Variants in UGP2 observed in about 807,000 individuals in gnomAD.
UGP2 encodes the protein UTP--glucose-1-phosphate uridylyltransferase.
UGP2 carries 40 observed loss-of-function variants against 49.0 expected under a neutral mutation model. The ratio of observed to expected loss-of-function variants is 0.82; its 90% CI spans 0.63 to 1.06. The LOEUF (loss-of-function observed/expected upper bound fraction) is 1.06, where lower values mean the gene tolerates loss of function less well. Among genes scored for constraint, UGP2 ranks in the 50% least tolerant of loss-of-function variants. The pLI, the probability that UGP2 is intolerant of heterozygous loss-of-function variation, is 0.00. For synonymous variants in UGP2, 225 were observed against 213.0 expected (o/e 1.06, Z -0.49); for missense variants, 460 against 603.5 (o/e 0.76, Z 2.49).
At chr2:63,875,155 C>G (rs1403556532) in intron 3 of UGP2, among the ~76,000 whole-genome samples, 1 of 152,202 alleles carries the variant, frequency 6.6e-6, no homozygotes, top group Non-Finnish European at 1.5e-5. Flanking sequence ...ATTTGGCACA[C>G]AAACCCTGTG....
rs577856223 is a variant in UGP2 at position 63,868,669 on chromosome 2, A to G, written c.255+10733A>G. 1.5e-4 allele frequency among the ~76,000 whole-genome samples: 23 copies of G among 152,288 alleles called. No homozygotes were observed. In the South Asian group the frequency reaches 2.1e-3, roughly 14 times the overall value. On this transcript the variant is annotated intron_variant, in intron 3 of 9. Transcript: ENST00000337130. ...TTTTGTATTTCTGATTGTTTTTTAAAAAGAGTATATCAGGCTGGGCGCGGT... is the reference window on the plus strand; with the variant it reads ...TTTTGTATTTCTGATTGTTTTTTAAGAAGAGTATATCAGGCTGGGCGCGGT...
At chr2:63,890,040 C>T in intron 8 of UGP2, 41 bp from the exon 9 acceptor site, 4 of 1,465,062 alleles carry the variant, frequency 2.7e-6, no homozygotes, top group Non-Finnish European at 3.8e-6. Flanking sequence ...TTTCTTTGAA[C>T]CCATTTGAGA....
chr2:63,852,160 G>A (rs1355942130), intron 1 of UGP2, among the ~76,000 whole-genome samples: 1 of 152,178 alleles, frequency 6.6e-6, no homozygotes, highest in African/African-American at 2.4e-5. Context: ...GGGAGTTGGT[G>A]ACAGAATAGC....
In UGP2 at chr2:63,885,626, G is replaced by T; in HGVS notation, c.613G>T (p.Ala205Ser). 1 of 1,580,060 alleles carries T rather than the reference G, an allele frequency of 6.3e-7. No homozygotes were observed. Residue 205 changes from alanine (A) to serine (S), a missense_variant, in exon 6 of 10, where the codon GCA becomes TCA. Ala to Ser is a moderately conservative substitution (Grantham distance 99). This residue lies in a region of UGP2 where 317 missense variants were observed against 473.0 expected (regional missense o/e 0.67). Coordinates refer to ENST00000337130, the MANE Select transcript of UGP2 (RefSeq NM_006759.4). The part of the protein sequence containing the change: ...RINKESLLPV[A>S]KDVSYSGENT... ...TAATAAAGAATCTTTACTTCCTGTA[G>T]CAAAGGACGTGTCTTACTCAGGGGA... is the stretch of plus-strand genomic sequence containing the variant.
chr2:63,885,942 T>C (rs1290055000), intron 6 of UGP2, 56 bp downstream of exon 6: 3 of 1,489,312 alleles, frequency 2.0e-6, no homozygotes, highest in South Asian at 1.5e-5. Context: ...TCGTAAGTTA[T>C]GAAGTTAAAG....
Position 63,891,149 on chromosome 2 carries a change from T to A in UGP2, c.1449T>A (p.Gly483=). 1 of 1,613,674 alleles carries A rather than the reference T, an allele frequency of 6.2e-7. No individual in the cohort carries two copies. Among genetic ancestry groups the A allele is most frequent in the Non-Finnish European group, 8.5e-7 (1 of 1,179,764 alleles). Reference sequence around the variant, plus strand: ...CGGTTATCATCATTGCAAATCATGGTGACAGAATTGATATCCCACCTGGAG... The same window carrying A: ...CGGTTATCATCATTGCAAATCATGGAGACAGAATTGATATCCCACCTGGAG... ...KGTVIIIANH[G]DRIDIPPGAV... Residue 483 remains glycine (G), a synonymous_variant, in exon 10 of 10, where the codon GGT becomes GGA. Transcript: ENST00000337130.
At chr2:63,889,222 A>G (rs1671904241) in intron 8 of UGP2, 2 of 152,190 alleles carry the variant, frequency 1.3e-5, no homozygotes, top group Non-Finnish European at 2.9e-5. Context: ...ATGAATATCG[A>G]AAACTCAAGA....
At chr2:63,860,831 T>A (rs1434015681) in intron 3 of UGP2, among the ~76,000 whole-genome samples, 1 of 149,584 alleles carries the variant, frequency 6.7e-6, no homozygotes, top group Non-Finnish European at 1.5e-5. Context: ...CTTAAAGTCC[T>A]GGCCTCAAGT....
At chr2:63,872,562 C>T (rs1670627702) in intron 3 of UGP2, among the ~76,000 whole-genome samples, 1 of 152,100 alleles carries the variant, frequency 6.6e-6, no homozygotes. Flanking sequence ...TTCTAAGAAA[C>T]CCAGGTAGCC....
chr2:63,884,654 G>C (rs1671537009), intron 5 of UGP2, among the ~76,000 whole-genome samples: 1 of 152,164 alleles, frequency 6.6e-6, no homozygotes, highest in African/African-American at 2.4e-5. Flanking sequence ...GCTTATACCT[G>C]TAATTCCAAC....
At chr2:63,884,993 C>CTTTTTTTTTTTTTTTTTTTT (rs528966512) in intron 5 of UGP2, among the ~76,000 whole-genome samples, 1 of 23,148 alleles carries the variant, frequency 4.3e-5, no homozygotes, top group African/African-American at 1.6e-4. Flanking sequence ...CCCATGGTTA[C>CTTTTTTTTTTTTTTTTTTTT]TTTTTTTTTT....
intron 8 of UGP2, chr2:63,888,787 T>A (rs1410929170): frequency 6.6e-6 from 1 of 152,240 alleles, no homozygotes; most frequent in Non-Finnish European, 1.5e-5. Flanking sequence ...GCAATCCTTT[T>A]TTTCCCCTCA....
chr2:63,855,650 T>C (rs777375933), intron 1 of UGP2: 1 of 437,826 alleles, frequency 2.3e-6, no homozygotes, highest in Non-Finnish European at 4.6e-6. Flanking sequence ...CAAGGTATCC[T>C]CCTGCTTCAG....
chr2:63,871,264 G>C (rs1346178278), intron 3 of UGP2, among the ~76,000 whole-genome samples: 1 of 151,808 alleles, frequency 6.6e-6, no homozygotes, highest in Non-Finnish European at 1.5e-5. Context: ...GTATGAATTT[G>C]ATTACTTTTG....
chr2:63,842,465 A>G, intron 1 of UGP2: 1 of 1,540,186 alleles, frequency 6.5e-7, no homozygotes, highest in Non-Finnish European at 8.7e-7. Context: ...TTTCCTGGAT[A>G]GTGGCTGTAA....
intron 3 of UGP2, among the ~76,000 whole-genome samples, chr2:63,874,886 G>C (rs574594596): frequency 6.6e-6 from 1 of 152,034 alleles, no homozygotes; most frequent in South Asian, 2.1e-4. Flanking sequence ...GATTCCGGAG[G>C]TGCTCACCAG....
chr2:63,871,610 TTTTC>T lies in UGP2; in HGVS notation c.256-10850_256-10847del, dbSNP rs1324000549. 2.6e-5 allele frequency among the ~76,000 whole-genome samples: 4 copies of T among 152,210 alleles called. No individual in the cohort carries two copies. The East Asian group carries it at 7.7e-4, about 29-fold the overall frequency. ...CACAAAAACCTTTTTAAATCTCAAGTTTTCTTTCTGTTGTTTTGAAAATTGCCTG... is the reference window on the plus strand; with the variant it reads ...CACAAAAACCTTTTTAAATCTCAAGTTTTCTGTTGTTTTGAAAATTGCCTG... On this transcript the variant is annotated intron_variant, in intron 3 of 9. Transcript: ENST00000337130.
At chr2:63,878,324 T>C (rs1575843395) in intron 3 of UGP2, among the ~76,000 whole-genome samples, 1 of 152,202 alleles carries the variant, frequency 6.6e-6, no homozygotes, top group East Asian at 1.9e-4. Flanking sequence ...CACTGAATGT[T>C]GATGATTCCT....
intron 1 of UGP2, 43 bp from the exon 2 acceptor site, chr2:63,856,263 T>G: frequency 6.3e-7 from 1 of 1,597,916 alleles, no homozygotes; most frequent in Non-Finnish European, 8.5e-7. Context: ...TTTGAATGGC[T>G]TCCTGGAGTT....
Sources: gnomAD v4.1 joint callset for allele counts (sites outside exome capture counted in the v4.1 genomes callset) on GRCh38, gnomAD v4.1.1 for gene constraint, gnomAD v4.1.1 regional missense constraint, MANE v1.5 for transcripts, NCBI Gene and HGNC (gene_info 2026-07-23, HGNC 2026-07-21) for gene names.